SFMBT2: variants seen among roughly 807,000 people sequenced by gnomAD.
The protein encoded by SFMBT2 is Scm like with four mbt domains 2, also known as scm-like with four MBT domains protein 2.
A neutral mutation model predicts 110.1 loss-of-function variants in SFMBT2; 38 were observed. The observed-to-expected ratio is 0.35, with a 90% CI of 0.27 to 0.45. The LOEUF is 0.45. SFMBT2 is among the 20% of genes least tolerant of loss of function. The pLI is 1.00. For synonymous variants in SFMBT2, 425 were observed against 425.4 expected (o/e 1.00, Z 0.01); for missense variants, 1,011 against 1,094.9 (o/e 0.92, Z 1.08).
intron 1 of SFMBT2, among the ~76,000 whole-genome samples, chr10:7,386,679 T>C (rs1475404253): frequency 2.6e-5 from 4 of 152,202 alleles, no homozygotes; most frequent in Non-Finnish European, 5.9e-5. Flanking sequence ...TCAGCAGTCT[T>C]GGGAACCTAA....
rs112826669 is a variant in SFMBT2, at chr10:7,206,058, A to G, written c.1331-130T>C. 2.6e-4 allele frequency: 361 copies of G among 1,407,304 alleles called. 4 individuals carry two copies. The African/African-American group carries it at 4.1e-3, about 16-fold the overall frequency. 87.2% of individuals were successfully genotyped at this position (1,407,304 alleles called of 1,614,324 possible). On this transcript the variant is annotated intron_variant, in intron 11 of 20. Coordinates refer to ENST00000397167, the MANE Select transcript of SFMBT2 (RefSeq NM_001387889.1). ...TTTATACATTAAAAAACAAAAACAA[A>G]AACAAAATAGCCATATGGAAGAGAT...
chr10:7,214,857 C>T (rs1839480779), intron 11 of SFMBT2: 2 of 695,220 alleles, frequency 2.9e-6, no homozygotes, highest in South Asian at 6.4e-5. Flanking sequence ...TATAACAGGG[C>T]TCCCCAGTTC....
chr10:7,184,549 T>TA lies in SFMBT2; in HGVS notation c.1808+4074dup, dbSNP rs200533781. On this transcript the variant is annotated intron_variant, in intron 16 of 20. Transcript: ENST00000397167. ...TATCAGCGGCATGAAAATGGACTAATACGGTAGTTAAAAGTTGAGAAGAAT... is the reference window on the plus strand; with the variant it reads ...TATCAGCGGCATGAAAATGGACTAATAACGGTAGTTAAAAGTTGAGAAGAAT... Among the ~76,000 whole-genome samples, 1,307 of 152,258 alleles carry TA rather than the reference T, an allele frequency of 8.6e-3. 20 individuals are homozygous for TA. Among genetic ancestry groups the TA allele is most frequent in the African/African-American group, 0.03 (1,251 of 41,530 alleles).
chr10:7,351,171 T>A (rs1844301885), intron 4 of SFMBT2, among the ~76,000 whole-genome samples: 1 of 152,236 alleles, frequency 6.6e-6, no homozygotes. Context: ...TGGTAGGATT[T>A]GAAAAGGCTC....
intron 5 of SFMBT2, 123 bp downstream of exon 5, chr10:7,285,743 G>C (rs921278879): frequency 1.5e-6 from 1 of 680,356 alleles, no homozygotes; most frequent in South Asian, 1.7e-5. Context: ...GAGGCTATTT[G>C]GATGGCAGTG....
chr10:7,265,347 G>C (rs937803015), intron 7 of SFMBT2, among the ~76,000 whole-genome samples: 2 of 151,942 alleles, frequency 1.3e-5, no homozygotes, highest in Non-Finnish European at 2.9e-5. Flanking sequence ...GATAACATGC[G>C]CATGCCACCA....
intron 4 of SFMBT2, among the ~76,000 whole-genome samples, chr10:7,288,862 C>A (rs954829404): frequency 4.6e-5 from 7 of 151,414 alleles, no homozygotes; most frequent in East Asian, 3.9e-4. Context: ...AACCCCCCCC[C>A]CCATCTCCAC....
intron 16 of SFMBT2, among the ~76,000 whole-genome samples, chr10:7,177,481 G>A (rs1838103204): frequency 6.6e-6 from 1 of 152,158 alleles, no homozygotes; most frequent in African/African-American, 2.4e-5. Flanking sequence ...CGATAGGACT[G>A]TAATTGAAGA....
chr10:7,217,967 C>A (rs371606942), intron 11 of SFMBT2, among the ~76,000 whole-genome samples: 1 of 152,148 alleles, frequency 6.6e-6, no homozygotes, highest in South Asian at 2.1e-4. Flanking sequence ...TTATTCATTG[C>A]TCCCTCTTCA....
chr10:7,285,837 T>C (rs1842069659), intron 5 of SFMBT2, 29 bp downstream of exon 5: 1 of 867,148 alleles, frequency 1.2e-6, no homozygotes, highest in African/African-American at 1.6e-5. Flanking sequence ...GCTTCAGAGA[T>C]ACATTAGATG....
At chr10:7,377,021 T>C (rs936988698) in intron 2 of SFMBT2, among the ~76,000 whole-genome samples, 2 of 151,116 alleles carry the variant, frequency 1.3e-5, no homozygotes, top group African/African-American at 2.4e-5. Context: ...ATACAAAAAT[T>C]AGCTGGGCAT....
intron 16 of SFMBT2, among the ~76,000 whole-genome samples, chr10:7,177,287 T>C (rs1838094450): frequency 6.6e-6 from 1 of 152,140 alleles, no homozygotes; most frequent in Admixed American, 6.6e-5. Flanking sequence ...ACTGAGGTCT[T>C]TGGAAAGCTA....
intron 16 of SFMBT2, among the ~76,000 whole-genome samples, chr10:7,180,990 C>T (rs191828082): frequency 1.3e-5 from 2 of 152,208 alleles, no homozygotes; most frequent in Admixed American, 1.3e-4. Context: ...CTGAGCCACT[C>T]CCGTTAGAAA....
chr10:7,284,223 A>G, intron 5 of SFMBT2, 73 bp from the exon 6 acceptor site: 1 of 1,557,140 alleles, frequency 6.4e-7, no homozygotes, highest in Non-Finnish European at 8.6e-7. Flanking sequence ...ATGACAGCAG[A>G]AGATAATATT....
chr10:7,225,464 A>G (rs1403283650), intron 10 of SFMBT2, among the ~76,000 whole-genome samples: 1 of 152,264 alleles, frequency 6.6e-6, no homozygotes, highest in African/African-American at 2.4e-5. Context: ...AAATTCAGCA[A>G]AGCATCACCA....
intron 4 of SFMBT2, among the ~76,000 whole-genome samples, chr10:7,358,321 C>T (rs1844591251): frequency 6.6e-6 from 1 of 151,630 alleles, no homozygotes; most frequent in Non-Finnish European, 1.5e-5. Flanking sequence ...ATCTGCATGG[C>T]CCTAGAACAT....
intron 4 of SFMBT2, among the ~76,000 whole-genome samples, chr10:7,320,238 G>A (rs932496072): frequency 7.2e-5 from 11 of 152,314 alleles, no homozygotes; most frequent in African/African-American, 1.7e-4. Context: ...CAAACGAGAC[G>A]CCTGAGTGTG....
chr10:7,346,180 T>C (rs1441261260), intron 4 of SFMBT2, among the ~76,000 whole-genome samples: 1 of 152,222 alleles, frequency 6.6e-6, no homozygotes, highest in Non-Finnish European at 1.5e-5. Flanking sequence ...TAATTTTTGC[T>C]CTTATCCCCT....
At chr10:7,330,429 A>T (rs1377298330) in intron 4 of SFMBT2, among the ~76,000 whole-genome samples, 1 of 152,176 alleles carries the variant, frequency 6.6e-6, no homozygotes, top group African/African-American at 2.4e-5. Context: ...TCCCAGGTGG[A>T]GGAAGCATGT....
Sources: allele counts gnomAD v4.1 joint callset (sites outside exome capture counted in the v4.1 genomes callset), GRCh38; gene constraint gnomAD v4.1.1; transcripts MANE v1.5; gene names NCBI Gene and HGNC (gene_info 2026-07-23, HGNC 2026-07-21).